DLC1: variants seen among roughly 807,000 people sequenced by gnomAD.
The protein encoded by DLC1 is rho GTPase-activating protein 7.
A neutral mutation model predicts 140.3 loss-of-function variants in DLC1; 54 were observed. The observed-to-expected ratio is 0.38, with a 90% CI of 0.31 to 0.48. The LOEUF (loss-of-function observed/expected upper bound fraction) is 0.48. Among genes scored for constraint, DLC1 ranks in the 20% least tolerant of loss-of-function variants. The pLI is 0.96. For missense variants in DLC1, 2,536 were observed against 1,907.0 expected, an observed-to-expected ratio of 1.33 and a Z score of -6.14; for synonymous variants, 986 against 728.1, an observed-to-expected ratio of 1.35 and a Z score of -5.70.
At chr8:13,575,960 C>G (rs1585292587) in intron 1 of DLC1, among the ~76,000 whole-genome samples, 2 of 152,162 alleles carry the variant, frequency 1.3e-5, no homozygotes, top group African/African-American at 4.8e-5. Flanking sequence ...CTCAAAGGAG[C>G]AAATCTTGGA....
chr8:13,388,987 G>A (rs1162256312), intron 4 of DLC1, among the ~76,000 whole-genome samples: 1 of 152,012 alleles, frequency 6.6e-6, no homozygotes, highest in Admixed American at 6.6e-5. Context: ...TCCAGGTGCT[G>A]AGCCTGTGAA....
chr8:13,436,629 A>G (rs574390149), intron 2 of DLC1, among the ~76,000 whole-genome samples: 67 of 152,314 alleles, frequency 4.4e-4, no homozygotes, highest in Non-Finnish European at 7.9e-4. Context: ...AACACACAGC[A>G]ACTGGACAAT....
chr8:13,589,279 T>C (rs577348855), intron 1 of DLC1, among the ~76,000 whole-genome samples: 1 of 152,232 alleles, frequency 6.6e-6, no homozygotes, highest in South Asian at 2.1e-4. Context: ...ATATAATTGT[T>C]GAAAATGCTA....
chr8:13,588,238 G>A (rs1231354562), intron 1 of DLC1, among the ~76,000 whole-genome samples: 1 of 152,054 alleles, frequency 6.6e-6, no homozygotes, highest in Non-Finnish European at 1.5e-5. Context: ...ACAAACCCTG[G>A]TGCCCAGTTG....
At chr8:13,346,561 G>C (rs1382379643) in intron 4 of DLC1, among the ~76,000 whole-genome samples, 3 of 152,188 alleles carry the variant, frequency 2.0e-5, no homozygotes, top group African/African-American at 7.2e-5. Flanking sequence ...AAGTTTAATT[G>C]TTCTAGTTCT....
At chr8:13,453,406 A>ATATATATATATATTTTTTTTTTTTTT (rs1799171674) in intron 2 of DLC1, among the ~76,000 whole-genome samples, 2 of 44,706 alleles carry the variant, frequency 4.5e-5, no homozygotes, top group Non-Finnish European at 3.4e-5. Context: ...ATATATGTGT[A>ATATATATATATATTTTTTTTTTTTTT]TATATATATA....
chr8:13,098,312 T>C (rs909947907), intron 10 of DLC1, 87 bp downstream of exon 10: 18 of 1,448,650 alleles, frequency 1.2e-5, no homozygotes, highest in Non-Finnish European at 1.7e-5. Flanking sequence ...AGGAGAGAAG[T>C]GTCATTTTTT....
chr8:13,485,043 GAAC>G (rs542127614), intron 2 of DLC1, among the ~76,000 whole-genome samples: 10 of 152,228 alleles, frequency 6.6e-5, no homozygotes, highest in African/African-American at 1.7e-4. Flanking sequence ...TTGAAATATA[GAAC>G]AACAATAAAA....
chr8:13,143,061 C>G (rs10092446), intron 5 of DLC1, among the ~76,000 whole-genome samples: 24,993 of 144,142 alleles, frequency 0.17, 2,307 homozygotes, highest in Non-Finnish European at 0.21. Context: ...AAAAAAAAGG[C>G]AGAATTAGAG....
chr8:13,304,720 T>C (rs865824451), intron 5 of DLC1: 4 of 961,738 alleles, frequency 4.2e-6, no homozygotes, highest in East Asian at 1.1e-4. Flanking sequence ...TAATTTTTCA[T>C]ATTTTCATTT....
intron 5 of DLC1, among the ~76,000 whole-genome samples, chr8:13,161,137 A>T (rs1433655073): frequency 6.6e-6 from 1 of 152,196 alleles, no homozygotes; most frequent in Admixed American, 6.5e-5. Flanking sequence ...ATTATCCCAT[A>T]GGTAACCTAA....
chr8:13,285,178 A>G (rs1238482790), intron 5 of DLC1, among the ~76,000 whole-genome samples: 1 of 152,210 alleles, frequency 6.6e-6, no homozygotes, highest in African/African-American at 2.4e-5. Flanking sequence ...TGATTTAACT[A>G]TAGAAATTAG....
chr8:13,389,570 T>G (rs1200750187), intron 4 of DLC1, among the ~76,000 whole-genome samples: 1 of 152,156 alleles, frequency 6.6e-6, no homozygotes, highest in Non-Finnish European at 1.5e-5. Flanking sequence ...AACTTTCATT[T>G]TTTTATGAAA....
intron 5 of DLC1, among the ~76,000 whole-genome samples, chr8:13,269,096 A>G (rs1444803196): frequency 1.3e-5 from 2 of 151,494 alleles, no homozygotes; most frequent in East Asian, 3.9e-4. Context: ...AATGGTCTCA[A>G]TCTCCTGACC....
intron 2 of DLC1, among the ~76,000 whole-genome samples, chr8:13,470,377 T>TA (rs1191001002): frequency 6.6e-6 from 1 of 151,624 alleles, no homozygotes; most frequent in Non-Finnish European, 1.5e-5. Flanking sequence ...TCAATAAAAA[T>TA]AAAAAACAAC....
intron 4 of DLC1, among the ~76,000 whole-genome samples, chr8:13,315,580 T>G (rs1211418835): frequency 6.6e-6 from 1 of 152,232 alleles, no homozygotes; most frequent in Non-Finnish European, 1.5e-5. Context: ...CTGCGTTTGA[T>G]AACATGGTAA....
chr8:13,388,135 T>C (rs1157713182), intron 4 of DLC1, among the ~76,000 whole-genome samples: 2 of 152,182 alleles, frequency 1.3e-5, no homozygotes, highest in Middle Eastern at 3.4e-3. Flanking sequence ...TCCTAATCCC[T>C]TGTGGCTAAT....
At chr8:13,547,562 G>C (rs13256401) in intron 1 of DLC1, among the ~76,000 whole-genome samples, 88,929 of 151,850 alleles carry the variant, frequency 0.59, 26,693 homozygotes, top group African/African-American at 0.69. Context: ...GTGAGTATAT[G>C]CTATTGCTCT....
intron 4 of DLC1, among the ~76,000 whole-genome samples, chr8:13,307,127 C>G (rs1471546701): frequency 2.8e-5 from 4 of 140,748 alleles, no homozygotes; most frequent in African/African-American, 1.0e-4. Flanking sequence ...GGGGGAGTTA[C>G]TTTGGCAAGA....
Sources: gnomAD v4.1 joint callset for allele counts (sites outside exome capture counted in the v4.1 genomes callset) on GRCh38, gnomAD v4.1.1 for gene constraint, MANE v1.5 for transcripts, NCBI Gene and HGNC (gene_info 2026-07-23, HGNC 2026-07-21) for gene names.